Variants in HACD2 observed in about 807,000 individuals in gnomAD.
HACD2 encodes very-long-chain (3R)-3-hydroxyacyl-CoA dehydratase 2.
A neutral mutation model predicts 31.0 loss-of-function variants in HACD2; 15 were observed. The ratio of observed to expected loss-of-function variants is 0.48; its 90% CI spans 0.32 to 0.75. The LOEUF (loss-of-function observed/expected upper bound fraction) is 0.75. HACD2 is among the 30% of genes least tolerant of loss of function. The probability of loss-of-function intolerance (pLI) is 0.03; values close to 1 mark genes in which losing one functional copy is unlikely to be tolerated. For synonymous variants in HACD2, 115 were observed against 122.2 expected, an observed-to-expected ratio of 0.94 and a Z score of 0.39; for missense variants, 283 against 313.0, an observed-to-expected ratio of 0.90 and a Z score of 0.72.
intron 3 of HACD2, among the ~76,000 whole-genome samples, chr3:123,546,782 G>A (rs1490163185): frequency 6.6e-6 from 1 of 152,106 alleles, no homozygotes; most frequent in Non-Finnish European, 1.5e-5. Flanking sequence ...AATCTGGGTG[G>A]ACTTAAGAAG....
At chr3:123,517,652 C>G (rs1050731286) in intron 4 of HACD2, among the ~76,000 whole-genome samples, 2 of 152,120 alleles carry the variant, frequency 1.3e-5, no homozygotes, top group African/African-American at 4.8e-5. Flanking sequence ...TGTGCCCACC[C>G]AACACTCCAG....
At chr3:123,528,568 G>T in intron 3 of HACD2, 94 bp from the exon 4 acceptor site, 1 of 788,556 alleles carries the variant, frequency 1.3e-6, no homozygotes, top group Non-Finnish European at 2.2e-6. Context: ...AATGTTTAGA[G>T]TCAAAACGGT....
chr3:123,515,423 C>G (rs1301661206), intron 4 of HACD2, among the ~76,000 whole-genome samples: 2 of 152,116 alleles, frequency 1.3e-5, no homozygotes, highest in East Asian at 3.9e-4. Context: ...GTTGAATGAA[C>G]AGGAATGAAG....
chr3:123,540,650 A>G (rs1264565287), intron 3 of HACD2, among the ~76,000 whole-genome samples: 1 of 152,162 alleles, frequency 6.6e-6, no homozygotes, highest in East Asian at 1.9e-4. Context: ...CCACCCTATT[A>G]TTTTTATTGT....
chr3:123,559,915 T>A (rs945045676), intron 3 of HACD2, among the ~76,000 whole-genome samples: 2 of 152,188 alleles, frequency 1.3e-5, no homozygotes, highest in Non-Finnish European at 2.9e-5. Flanking sequence ...GGTGTATACC[T>A]GGGTAAGTCT....
At chr3:123,573,440 T>C (rs1443332923) in intron 2 of HACD2, among the ~76,000 whole-genome samples, 1 of 152,160 alleles carries the variant, frequency 6.6e-6, no homozygotes, top group Non-Finnish European at 1.5e-5. Flanking sequence ...CATTTGAGCG[T>C]AAATTTGGGA....
At chr3:123,566,325 C>T (rs2056791676) in intron 3 of HACD2, among the ~76,000 whole-genome samples, 1 of 152,056 alleles carries the variant, frequency 6.6e-6, no homozygotes, top group South Asian at 2.1e-4. Flanking sequence ...TCACTCGTTT[C>T]CCAGGCTAAA....
chr3:123,584,845 T>TC, intron 1 of HACD2, 28 bp downstream of exon 1: 1 of 1,463,690 alleles, frequency 6.8e-7, no homozygotes, highest in South Asian at 1.3e-5. Context: ...CCGCGCTGGC[T>TC]CCCCGCCTCC....
chr3:123,539,425 C>T (rs1406917088), intron 3 of HACD2, among the ~76,000 whole-genome samples: 1 of 151,858 alleles, frequency 6.6e-6, no homozygotes, highest in Non-Finnish European at 1.5e-5. Flanking sequence ...CAAAAATTAG[C>T]TGGGCATGGT....
intron 3 of HACD2, among the ~76,000 whole-genome samples, chr3:123,537,317 G>A (rs950369306): frequency 9.2e-5 from 14 of 152,072 alleles, no homozygotes; most frequent in African/African-American, 3.1e-4. Context: ...TGGCAATCCC[G>A]GATCTTTGGG....
Position 123,516,863 on chromosome 3 carries a change from G to A in HACD2, c.381+11523C>T, listed in dbSNP as rs147658513. ...TGGAAAACATGAAGAAAGGATGGTC[G>A]GTACCTCAACTAGCCTAGCTTCACC... On this transcript the variant is annotated intron_variant, in intron 4 of 6. Transcript: ENST00000383657. Among the ~76,000 whole-genome samples, 825 of 152,200 alleles carry A rather than the reference G, an allele frequency of 5.4e-3. 2 individuals carry two copies. Among genetic ancestry groups the A allele is most frequent in the African/African-American group, 0.019 (796 of 41,502 alleles).
chr3:123,529,265 T>C (rs2056323246), intron 3 of HACD2, among the ~76,000 whole-genome samples: 1 of 152,166 alleles, frequency 6.6e-6, no homozygotes, highest in Non-Finnish European at 1.5e-5. Flanking sequence ...CATCGCTGGC[T>C]AAGTTTTTGT....
rs1686789885 is a variant in HACD2 at position 123,491,809 on chromosome 3, T to C, written c.*3079A>G. The C allele has an allele frequency of 6.6e-6, 1 of 152,634 alleles. No homozygotes were observed. The highest frequency in any genetic ancestry group is 2.1e-4 in the South Asian group (1 of 4,834). The allele number at this position is 152,634 out of a possible 1,614,324, so 9.5% of individuals were successfully genotyped here. ...AACATAGAAAAAATACAAAAATGAC[T>C]ATATATACGGTTGTACAATTTTTTA... On this transcript the variant is annotated 3_prime_UTR_variant, in exon 7 of 7. Transcript: ENST00000383657.
intron 2 of HACD2, among the ~76,000 whole-genome samples, chr3:123,579,350 A>T (rs1455203562): frequency 6.6e-6 from 1 of 151,290 alleles, no homozygotes; most frequent in Non-Finnish European, 1.5e-5. Flanking sequence ...GCTGGATTGC[A>T]GTGATGCAAT....
At chr3:123,515,126 G>C (rs1299471120) in intron 4 of HACD2, among the ~76,000 whole-genome samples, 1 of 152,194 alleles carries the variant, frequency 6.6e-6, no homozygotes, top group African/African-American at 2.4e-5. Context: ...ACCACCTCAT[G>C]AAGGGAACCA....
At position 123,491,600 on chromosome 3, in the gene HACD2, A is replaced by T. The variant is rs1420091136; in HGVS notation, c.*3288T>A. On this transcript the variant is annotated 3_prime_UTR_variant, in exon 7 of 7. Transcript: ENST00000383657. ...ACACCAGTTTATTTTGAAATGCAAC[A>T]CAGATCAGTATTTTATGAATACAAC... 1 of 152,676 alleles carries T rather than the reference A, an allele frequency of 6.5e-6. No individual in the cohort carries two copies. Among genetic ancestry groups the T allele is most frequent in the Non-Finnish European group, 1.5e-5 (1 of 68,048 alleles). 9.5% of individuals were successfully genotyped at this position (152,676 alleles called of 1,614,324 possible).
At chr3:123,537,640 GATGA>G (rs2056443008) in intron 3 of HACD2, among the ~76,000 whole-genome samples, 1 of 150,014 alleles carries the variant, frequency 6.7e-6, no homozygotes, top group Non-Finnish European at 1.5e-5. Context: ...ATTTTTTTTT[GATGA>G]ATAATGTTTT....
At chr3:123,523,002 T>C (rs1576748093) in intron 4 of HACD2, among the ~76,000 whole-genome samples, 3 of 152,186 alleles carry the variant, frequency 2.0e-5, no homozygotes, top group Non-Finnish European at 4.4e-5. Flanking sequence ...TGCCTCACCA[T>C]GATACCACGT....
chr3:123,559,570 T>G (rs569761326), intron 3 of HACD2, among the ~76,000 whole-genome samples: 182 of 152,342 alleles, frequency 1.2e-3, no homozygotes, highest in African/African-American at 4.3e-3. Context: ...GTTTTTCACA[T>G]GTGGAAACTA....
Sources: gnomAD v4.1 joint callset for allele counts (sites outside exome capture counted in the v4.1 genomes callset) on GRCh38, gnomAD v4.1.1 for gene constraint, MANE v1.5 for transcripts, NCBI Gene and HGNC (gene_info 2026-07-23, HGNC 2026-07-21) for gene names.